Variants in SNX2 observed in about 807,000 individuals in gnomAD.
SNX2 encodes the protein sorting nexin-2.
SNX2 carries 25 observed loss-of-function variants against 69.9 expected under a neutral mutation model. The ratio of observed to expected loss-of-function variants is 0.36; its 90% CI spans 0.26 to 0.50. SNX2 has a LOEUF of 0.50. Ranked by LOEUF, SNX2 falls within the 20% of genes least tolerant of loss-of-function variation. SNX2 has a pLI of 0.97. For missense variants in SNX2, 551 were observed against 613.3 expected, an observed-to-expected ratio of 0.90 and a Z score of 1.07; for synonymous variants, 229 against 200.4, an observed-to-expected ratio of 1.14 and a Z score of -1.20.
intron 7 of SNX2, among the ~76,000 whole-genome samples, chr5:122,810,868 G>A (rs1369864867): frequency 4.6e-5 from 7 of 152,264 alleles, no homozygotes; most frequent in East Asian, 1.9e-4. Flanking sequence ...AGGCATAAAG[G>A]TGTAGAAGCA....
In SNX2 at chr5:122,775,103, G is replaced by C. The variant is rs1752824468; in HGVS notation, c.-1G>C. On this transcript the variant is annotated 5_prime_UTR_variant, in exon 1 of 15. Coordinates refer to ENST00000379516, the MANE Select transcript of SNX2 (RefSeq NM_003100.4). ...TCGCGCAGTCGTTCGGGTGAGCGAA[G>C]ATGGCGGCCGAGAGGGAACCTCCTC... is the stretch of plus-strand genomic sequence containing the variant. The C allele has an allele frequency of 1.3e-6, 2 of 1,584,332 alleles. No homozygotes were observed. Among genetic ancestry groups the C allele is most frequent in the Non-Finnish European group, 1.7e-6 (2 of 1,166,948 alleles).
chr5:122,806,319 T>C (rs1753657005), intron 6 of SNX2, among the ~76,000 whole-genome samples: 1 of 152,098 alleles, frequency 6.6e-6, no homozygotes, highest in Non-Finnish European at 1.5e-5. Flanking sequence ...TGAATAATTA[T>C]TAAAGGTGGG....
chr5:122,824,725 T>C (rs1754115303), intron 11 of SNX2, among the ~76,000 whole-genome samples: 1 of 152,206 alleles, frequency 6.6e-6, no homozygotes, highest in African/African-American at 2.4e-5. Flanking sequence ...ATGATATAAA[T>C]GCTTTTTAGT....
intron 1 of SNX2, among the ~76,000 whole-genome samples, chr5:122,785,317 T>C (rs546680276): frequency 3.4e-4 from 52 of 152,060 alleles, no homozygotes; most frequent in African/African-American, 1.2e-3. Flanking sequence ...TTTTTATTTT[T>C]ATTTTTTTTG....
chr5:122,775,360 T>C, intron 1 of SNX2, 149 bp downstream of exon 1: 1 of 1,377,052 alleles, frequency 7.3e-7, no homozygotes, highest in Non-Finnish European at 9.5e-7. Flanking sequence ...CCGGTGCCTG[T>C]CAGAGGGATG....
chr5:122,806,166 A>G (rs908989779), intron 6 of SNX2, among the ~76,000 whole-genome samples: 1 of 149,364 alleles, frequency 6.7e-6, no homozygotes, highest in African/African-American at 2.5e-5. Context: ...ACACACACAC[A>G]CAGCCCACCA....
chr5:122,810,590 A>T (rs900985325), intron 7 of SNX2, among the ~76,000 whole-genome samples: 2 of 152,162 alleles, frequency 1.3e-5, no homozygotes, highest in Non-Finnish European at 2.9e-5. Flanking sequence ...TACCAAGGAC[A>T]TATAATTTGA....
At chr5:122,826,412 C>T (rs1423242319) in intron 12 of SNX2, among the ~76,000 whole-genome samples, 1 of 151,912 alleles carries the variant, frequency 6.6e-6, no homozygotes. Context: ...ACAAGGAAAA[C>T]AGCTAAAATT....
chr5:122,815,332 T>A (rs1215248257), intron 7 of SNX2, among the ~76,000 whole-genome samples: 1 of 152,316 alleles, frequency 6.6e-6, no homozygotes, highest in African/African-American at 2.4e-5. Context: ...ATAAATACCT[T>A]TGAAGAGGTA....
upstream of SNX2, chr5:122,775,041 C>G: frequency 6.8e-7 from 1 of 1,465,754 alleles, no homozygotes. Context: ...GCGGGCCCAG[C>G]CGTGCGTGCT....
intron 14 of SNX2, among the ~76,000 whole-genome samples, chr5:122,828,735 AAGT>A (rs1418956143): frequency 6.6e-6 from 1 of 152,208 alleles, no homozygotes; most frequent in South Asian, 2.1e-4. Context: ...CAAAAACTAA[AAGT>A]AGCCAGGAGT....
chr5:122,821,779 A>G (rs1754031855), intron 11 of SNX2, among the ~76,000 whole-genome samples: 1 of 152,102 alleles, frequency 6.6e-6, no homozygotes, highest in Non-Finnish European at 1.5e-5. Context: ...TAATGGTTGT[A>G]TAGCATTCCA....
intron 2 of SNX2, among the ~76,000 whole-genome samples, chr5:122,795,762 ATATT>A (rs1438905491): frequency 6.6e-6 from 1 of 152,180 alleles, no homozygotes; most frequent in Admixed American, 6.5e-5. Context: ...AAATTATTCT[ATATT>A]TATGTTTGAA....
chr5:122,804,259 A>G (rs931455011), intron 6 of SNX2, among the ~76,000 whole-genome samples: 1 of 152,190 alleles, frequency 6.6e-6, no homozygotes, highest in African/African-American at 2.4e-5. Context: ...ACATTTTTCT[A>G]AGGGATGGAG....
Position 122,829,645 on chromosome 5 carries a change from C to A in SNX2, c.1557C>A (p.Ala519=), listed in dbSNP as rs1754236700. The part of the protein sequence containing the change: ...EAFLPEAKAI[A] ...TCCTACCTGAAGCCAAAGCCATTGC[C>A]TAGCAATAAGATTGTTGCCGTTAAG... Residue 519 remains alanine (A), a synonymous_variant, in exon 15 of 15, where the codon GCC becomes GCA. Coordinates refer to ENST00000379516, the MANE Select transcript of SNX2 (RefSeq NM_003100.4). 6.2e-7 allele frequency: 1 copy of A among 1,612,824 alleles called. No individual in the cohort carries two copies. Among genetic ancestry groups the A allele is most frequent in the Non-Finnish European group, 8.5e-7 (1 of 1,178,974 alleles).
At chr5:122,800,398 A>C (rs1350740645) in intron 3 of SNX2, among the ~76,000 whole-genome samples, 1 of 152,222 alleles carries the variant, frequency 6.6e-6, no homozygotes, top group Non-Finnish European at 1.5e-5. Flanking sequence ...AATGACCATG[A>C]TTAAGTAACA....
At chr5:122,802,974 A>C (rs1220073249) in intron 5 of SNX2, among the ~76,000 whole-genome samples, 1 of 152,204 alleles carries the variant, frequency 6.6e-6, no homozygotes, top group Non-Finnish European at 1.5e-5. Context: ...GATGAGGATG[A>C]CAGTTGTTAA....
Position 122,826,056 on chromosome 5 carries a change from T to G in SNX2, c.1219T>G (p.Phe407Val). Reference protein sequence around the residue: ...IRLIAAVKGVFDHRMKCWQKW... With the variant: ...IRLIAAVKGVVDHRMKCWQKW... Reference sequence around the variant, plus strand: ...TTATGTCATTCACTTATAGGGTGTGTTTGACCATCGAATGAAGTGCTGGCA... The same window carrying G: ...TTATGTCATTCACTTATAGGGTGTGGTTGACCATCGAATGAAGTGCTGGCA... Residue 407 changes from phenylalanine to valine, a missense_variant, in exon 12 of 15, where the codon TTT becomes GTT. Around this residue, in one of 2 missense-constraint regions of SNX2, gnomAD observed 360 missense variants for 450.4 expected, o/e 0.80. Transcript: ENST00000379516. 1.9e-6 allele frequency: 3 copies of G among 1,612,972 alleles called. No individual in the cohort carries two copies. The highest frequency in any genetic ancestry group is 2.5e-6 in the Non-Finnish European group (3 of 1,179,236).
Position 122,815,943 on chromosome 5 carries a change from A to T in SNX2, c.770A>T (p.Asp257Val), listed in dbSNP as rs774539526. The change falls in exon 8 of 15, where the codon GAT becomes GTT. Residue 257 changes from aspartate (D) to valine (V), a missense_variant. Asp to Val is a radical substitution (Grantham distance 152). This residue lies in a region of SNX2 where 360 missense variants were observed against 450.4 expected (regional missense o/e 0.80). Coordinates refer to ENST00000379516, the MANE Select transcript of SNX2 (RefSeq NM_003100.4). ...CATCCAACTTTACTACAGGATCCTG[A>T]TTTAAGGCAGTTCTTGGAAAGTTCA... ...VKHPTLLQDP[D>V]LRQFLESSEL... 6.2e-7 allele frequency: 1 copy of T among 1,600,672 alleles called. No homozygotes were observed. The highest frequency in any genetic ancestry group is 2.2e-5 in the East Asian group (1 of 44,508).
Sources: allele counts gnomAD v4.1 joint callset (sites outside exome capture counted in the v4.1 genomes callset), GRCh38; gene constraint gnomAD v4.1.1; regional missense constraint gnomAD v4.1.1; transcripts MANE v1.5; gene names NCBI Gene and HGNC (gene_info 2026-07-23, HGNC 2026-07-21).